The following SGCZ variants were observed in gnomAD, a reference collection of about 807,000 sequenced individuals.
SGCZ encodes the protein zeta-sarcoglycan.
In SGCZ, 40 loss-of-function variants were observed where a neutral mutation model predicts 41.3. The observed-to-expected ratio is 0.97, with a 90% CI of 0.75 to 1.26. The LOEUF (loss-of-function observed/expected upper bound fraction) is 1.26. SGCZ is among the 50% of genes most tolerant of loss of function. The pLI, the probability that SGCZ is intolerant of heterozygous loss-of-function variation, is 0.00. For missense variants in SGCZ, 552 were observed against 369.8 expected (o/e 1.49, Z -4.04); for synonymous variants, 206 against 137.5 (o/e 1.50, Z -3.49).
intron 3 of SGCZ, among the ~76,000 whole-genome samples, chr8:14,321,014 G>C (rs1248056535): frequency 2.0e-5 from 3 of 152,048 alleles, no homozygotes; most frequent in East Asian, 1.9e-4. Flanking sequence ...CTGAAGATTA[G>C]GTGTCCTAAA....
chr8:14,489,803 T>C (rs1801788822), intron 2 of SGCZ, among the ~76,000 whole-genome samples: 1 of 151,800 alleles, frequency 6.6e-6, no homozygotes, highest in Non-Finnish European at 1.5e-5. Flanking sequence ...CCTAATCACA[T>C]TGACTAACCT....
intron 1 of SGCZ, among the ~76,000 whole-genome samples, chr8:14,976,159 A>G (rs1563404861): frequency 6.6e-6 from 1 of 151,598 alleles, no homozygotes; most frequent in Non-Finnish European, 1.5e-5. Context: ...AGTAGCTGGG[A>G]TACAGGCGCT....
At chr8:14,217,536 A>C (rs1806041978) in intron 4 of SGCZ, among the ~76,000 whole-genome samples, 1 of 150,904 alleles carries the variant, frequency 6.6e-6, no homozygotes, top group African/African-American at 2.4e-5. Context: ...TTCAGAATAA[A>C]AGCTAATGAG....
At chr8:14,241,427 A>G (rs1798885431) in intron 3 of SGCZ, among the ~76,000 whole-genome samples, 1 of 148,740 alleles carries the variant, frequency 6.7e-6, no homozygotes, top group South Asian at 2.1e-4. Context: ...ATATAGCATG[A>G]TAAGCTAGTA....
chr8:14,892,731 T>C (rs555499107), intron 1 of SGCZ, among the ~76,000 whole-genome samples: 1 of 152,290 alleles, frequency 6.6e-6, no homozygotes, highest in South Asian at 2.1e-4. Flanking sequence ...TAATAGCAAA[T>C]TAGGAAACAT....
At chr8:14,822,705 T>A (rs1231765826) in intron 1 of SGCZ, among the ~76,000 whole-genome samples, 1 of 151,890 alleles carries the variant, frequency 6.6e-6, no homozygotes, top group Non-Finnish European at 1.5e-5. Flanking sequence ...TCAACCAAGA[T>A]GCCAAGAACA....
intron 1 of SGCZ, among the ~76,000 whole-genome samples, chr8:15,038,934 C>A (rs1803975210): frequency 6.6e-6 from 1 of 151,624 alleles, no homozygotes; most frequent in African/African-American, 2.4e-5. Flanking sequence ...TAGTAAACTA[C>A]TACCTCATAC....
intron 5 of SGCZ, among the ~76,000 whole-genome samples, chr8:14,159,778 T>A (rs982018433): frequency 1.3e-5 from 2 of 152,162 alleles, no homozygotes; most frequent in African/African-American, 4.8e-5. Context: ...ATGGCCTATC[T>A]AATAGAAAGG....
chr8:14,581,273 G>A (rs1373115570), intron 1 of SGCZ, among the ~76,000 whole-genome samples: 1 of 151,834 alleles, frequency 6.6e-6, no homozygotes. Context: ...ACACCTGCCT[G>A]ATTTTTGTAT....
chr8:14,814,923 T>C (rs1245206615), intron 1 of SGCZ, among the ~76,000 whole-genome samples: 1 of 152,208 alleles, frequency 6.6e-6, no homozygotes, highest in Non-Finnish European at 1.5e-5. Context: ...TCCTAATTAA[T>C]GTTTGCTGTT....
At chr8:15,114,667 C>T (rs78757657) in intron 1 of SGCZ, among the ~76,000 whole-genome samples, 1 of 151,868 alleles carries the variant, frequency 6.6e-6, no homozygotes, top group Non-Finnish European at 1.5e-5. Flanking sequence ...TGAACCCATA[C>T]AAATATTCAG....
intron 3 of SGCZ, among the ~76,000 whole-genome samples, chr8:14,264,751 G>A (rs937693856): frequency 6.6e-6 from 1 of 152,160 alleles, no homozygotes; most frequent in Non-Finnish European, 1.5e-5. Flanking sequence ...CACGAGGTCA[G>A]GAGACCAAGA....
chr8:14,224,215 T>A (rs532834728), intron 4 of SGCZ, among the ~76,000 whole-genome samples: 1 of 152,272 alleles, frequency 6.6e-6, no homozygotes, highest in East Asian at 1.9e-4. Context: ...GCAAACTACA[T>A]TTGCTGACAA....
chr8:14,589,591 T>C (rs1563136198), intron 1 of SGCZ, among the ~76,000 whole-genome samples: 2 of 152,146 alleles, frequency 1.3e-5, no homozygotes, highest in African/African-American at 2.4e-5. Context: ...AGATGTCTTA[T>C]TTTTAAAATT....
At chr8:15,088,313 C>A (rs563913276) in intron 1 of SGCZ, among the ~76,000 whole-genome samples, 41 of 152,204 alleles carry the variant, frequency 2.7e-4, no homozygotes, top group African/African-American at 8.4e-4. Context: ...AGGAAGTTGT[C>A]TATTAAATGT....
chr8:15,210,480 T>A (rs1367050090), intron 1 of SGCZ, among the ~76,000 whole-genome samples: 1 of 67,468 alleles, frequency 1.5e-5, no homozygotes, highest in Non-Finnish European at 3.6e-5. Context: ...AAAGTCACAG[T>A]CTGTTGCTCT....
rs550709392 is a variant in SGCZ at position 14,200,629 on chromosome 8, G to A, written c.425-35927C>T. ...TTTTTTTGTTTGTTTGTTTTGTTTTGTTTTTCCAACAAAACATGCTGGAAT... is the reference window on the plus strand; with the variant it reads ...TTTTTTTGTTTGTTTGTTTTGTTTTATTTTTCCAACAAAACATGCTGGAAT... On this transcript the variant is annotated intron_variant, in intron 4 of 7. Transcript: ENST00000382080. Among the ~76,000 whole-genome samples, 3 of 152,008 alleles carry A rather than the reference G, an allele frequency of 2.0e-5. No homozygotes were observed. The South Asian group carries it at 6.2e-4, about 32-fold the overall frequency.
At chr8:14,633,888 T>A (rs1361486021) in intron 1 of SGCZ, among the ~76,000 whole-genome samples, 1 of 151,588 alleles carries the variant, frequency 6.6e-6, no homozygotes, top group East Asian at 1.9e-4. Flanking sequence ...GATTTTAACA[T>A]TAAACAAACA....
chr8:14,528,968 G>C (rs544833542), intron 2 of SGCZ, among the ~76,000 whole-genome samples: 9 of 151,862 alleles, frequency 5.9e-5, no homozygotes, highest in African/African-American at 2.2e-4. Context: ...AATCAGCTGA[G>C]ACCTAGAAAA....
Sources: gnomAD v4.1 joint callset for allele counts (sites outside exome capture counted in the v4.1 genomes callset) on GRCh38, gnomAD v4.1.1 for gene constraint, MANE v1.5 for transcripts, NCBI Gene and HGNC (gene_info 2026-07-23, HGNC 2026-07-21) for gene names.